RABGAP1: variants seen among roughly 807,000 people sequenced by gnomAD.
RABGAP1 encodes RAB GTPase activating protein 1.
RABGAP1 carries 23 observed loss-of-function variants against 137.6 expected under a neutral mutation model. That is an observed-to-expected ratio of 0.17 (90% CI 0.12 to 0.24). RABGAP1 has a LOEUF of 0.24. Ranked by LOEUF, RABGAP1 falls within the 10% of genes least tolerant of loss-of-function variation. The pLI is 1.00. For missense variants in RABGAP1, 906 were observed against 1,275.8 expected (o/e 0.71, Z 4.42); for synonymous variants, 451 against 450.7 (o/e 1.00, Z -0.01).
At chr9:122,993,558 C>T (rs1359852561) in intron 6 of RABGAP1, among the ~76,000 whole-genome samples, 1 of 151,928 alleles carries the variant, frequency 6.6e-6, no homozygotes, top group Non-Finnish European at 1.5e-5. Flanking sequence ...AGGCGTGAGC[C>T]ACCATGCCTG....
In RABGAP1 at chr9:122,984,648, C is replaced by G; in HGVS notation, c.314C>G (p.Thr105Ser). 2 of 1,614,182 alleles carry G rather than the reference C, an allele frequency of 1.2e-6. No individual in the cohort carries two copies. The highest frequency in any genetic ancestry group is 2.7e-5 in the African/African-American group (2 of 75,046). Residue 105 changes from threonine (T) to serine (S), a missense_variant, in exon 3 of 26, where the codon ACC (threonine) becomes AGC (serine). Physicochemically the swap from Thr to Ser is moderately conservative, Grantham distance 58. Coordinates refer to ENST00000373647, the MANE Select transcript of RABGAP1 (RefSeq NM_012197.4). ...PLSNQLSASS[T>S]INPVPLVGLQ... ...TCTAATCAGCTCTCCGCTTCATCCA[C>G]CATTAACCCTGTGCCATTAGTAGGG... is the stretch of plus-strand genomic sequence containing the variant.
At chr9:122,980,470 A>G (rs1462738688) in intron 2 of RABGAP1, among the ~76,000 whole-genome samples, 1 of 152,246 alleles carries the variant, frequency 6.6e-6, no homozygotes, top group Middle Eastern at 3.4e-3. Context: ...CCATGGTTCT[A>G]TATTCATGTT....
chr9:123,029,019 C>T (rs1402727820), intron 13 of RABGAP1, among the ~76,000 whole-genome samples: 1 of 152,060 alleles, frequency 6.6e-6, no homozygotes, highest in African/African-American at 2.4e-5. Context: ...GTTACTTGGG[C>T]TAGCATGGAG....
intron 13 of RABGAP1, among the ~76,000 whole-genome samples, chr9:123,044,786 T>G (rs990368261): frequency 6.6e-6 from 1 of 152,130 alleles, no homozygotes; most frequent in Non-Finnish European, 1.5e-5. Flanking sequence ...ATAGATTTCC[T>G]TAGAAGGCAG....
intron 5 of RABGAP1, 122 bp from the exon 6 acceptor site, chr9:122,989,934 A>G (rs1284717941): frequency 7.7e-6 from 9 of 1,164,728 alleles, no homozygotes; most frequent in Non-Finnish European, 9.6e-6. Context: ...TAGGTAATTT[A>G]CCAAAAGAAA....
At chr9:122,935,774 T>C in the RABGAP1 span, among the ~76,000 whole-genome samples, 1 of 152,250 alleles carries the variant, frequency 6.6e-6, no homozygotes, top group Non-Finnish European at 1.5e-5. Context: ...TTTCTCTGTA[T>C]GGCTTTGAGT....
chr9:122,974,381 T>G (rs1026961206), intron 2 of RABGAP1, among the ~76,000 whole-genome samples: 6 of 151,442 alleles, frequency 4.0e-5, no homozygotes, highest in Non-Finnish European at 8.8e-5. Context: ...TTGTATTTGC[T>G]TTTCTTTTCC....
chr9:122,984,393 T>TTTTC, intron 2 of RABGAP1, 92 bp from the exon 3 acceptor site: 1 of 1,011,930 alleles, frequency 9.9e-7, no homozygotes, highest in Non-Finnish European at 1.5e-6. Flanking sequence ...TCAAAAGAAA[T>TTTTC]GCTAATGATT....
At chr9:122,945,147 C>CCTTTTTTTTTTTTTTT (rs1833871783) in intron 1 of RABGAP1, among the ~76,000 whole-genome samples, 1 of 75,772 alleles carries the variant, frequency 1.3e-5, no homozygotes, top group African/African-American at 4.0e-5. Flanking sequence ...ATAGCTGTTG[C>CCTTTTTTTTTTTTTTT]TTTTTTTTTT....
Position 123,101,713 on chromosome 9 carries a change from G to A in RABGAP1, c.3037G>A (p.Glu1013Lys). Residue 1013 changes from glutamate to lysine, a missense_variant, in exon 25 of 26, where the codon GAA becomes AAA. Physicochemically the swap from Glu to Lys is moderately conservative, Grantham distance 56. Around this residue, in one of 9 missense-constraint regions of RABGAP1, gnomAD observed 193 missense variants for 248.1 expected, o/e 0.78. Transcript: ENST00000373647. ...LKNQLREMELELAQTKLQLVE... is the reference protein window; with the variant it reads ...LKNQLREMELKLAQTKLQLVE... ...GAACCAGCTGAGAGAAATGGAGCTA[G>A]AACTGGCACAGACCAAACTCCAGCT... The A allele has an allele frequency of 6.2e-7, 1 of 1,613,682 alleles. No homozygotes were observed. Among genetic ancestry groups the A allele is most frequent in the Non-Finnish European group, 8.5e-7 (1 of 1,179,848 alleles).
intron 13 of RABGAP1, among the ~76,000 whole-genome samples, chr9:123,064,141 A>T (rs1195774024): frequency 1.3e-5 from 2 of 152,046 alleles, no homozygotes; most frequent in African/African-American, 4.8e-5. Flanking sequence ...GATACCTCCA[A>T]CGCGGAGCTC....
chr9:122,981,798 T>A (rs2131732652), intron 2 of RABGAP1, among the ~76,000 whole-genome samples: 1 of 152,280 alleles, frequency 6.6e-6, no homozygotes, highest in Middle Eastern at 3.4e-3. Flanking sequence ...ACTATAATCC[T>A]AGCACTTTGG....
chr9:122,950,600 A>C (rs1834192978), intron 1 of RABGAP1, among the ~76,000 whole-genome samples: 1 of 151,686 alleles, frequency 6.6e-6, no homozygotes, highest in Non-Finnish European at 1.5e-5. Context: ...TATTATAATT[A>C]CCTGTTTACT....
intron 13 of RABGAP1, chr9:123,029,391 C>T (rs775884265): frequency 1.9e-5 from 26 of 1,395,586 alleles, no homozygotes; most frequent in Non-Finnish European, 2.4e-5. Flanking sequence ...GCATCTTCAC[C>T]AGCAGCTGGA....
chr9:123,035,754 T>G, intron 13 of RABGAP1: 1 of 589,632 alleles, frequency 1.7e-6, no homozygotes, highest in Non-Finnish European at 2.9e-6. Context: ...AACAATAGCA[T>G]ACAAATTATT....
Position 122,990,452 on chromosome 9 carries a change from C to T in RABGAP1, c.923+239C>T. 3 of 266,456 alleles carry T rather than the reference C, an allele frequency of 1.1e-5. No homozygotes were observed. The South Asian group carries it at 1.5e-4, about 13-fold the overall frequency. The allele number at this position is 266,456 out of a possible 1,614,324, so 16.5% of individuals were successfully genotyped here. ...GTTGCTACCTTCTTTTAGTCAGATACCAAGTGGCTAACTGCTCACAAAAAT... is the reference window on the plus strand; with the variant it reads ...GTTGCTACCTTCTTTTAGTCAGATATCAAGTGGCTAACTGCTCACAAAAAT... On this transcript the variant is annotated intron_variant, in intron 6 of 25. Coordinates refer to ENST00000373647, the MANE Select transcript of RABGAP1 (RefSeq NM_012197.4).
At chr9:122,938,607 C>T (rs1448211729), upstream of RABGAP1, 1 of 152,168 alleles carries the variant, frequency 6.6e-6, no homozygotes, top group Non-Finnish European at 1.5e-5. Flanking sequence ...TATGTCATCA[C>T]TAATCCAGTG....
intron 1 of RABGAP1, among the ~76,000 whole-genome samples, chr9:122,952,381 C>T (rs1834300262): frequency 1.3e-5 from 2 of 152,216 alleles, no homozygotes; most frequent in South Asian, 2.1e-4. Flanking sequence ...GCCTCAGCCT[C>T]CCGAGTAGCT....
At chr9:123,098,911 TC>T (rs1000247619) in intron 23 of RABGAP1, 113 bp downstream of exon 23, 1 of 611,914 alleles carries the variant, frequency 1.6e-6, no homozygotes, top group Non-Finnish European at 2.9e-6. Context: ...TGGTTTCAGA[TC>T]CTGGCTCTGC....
Sources: gnomAD v4.1 joint callset for allele counts (sites outside exome capture counted in the v4.1 genomes callset) on GRCh38, gnomAD v4.1.1 for gene constraint, gnomAD v4.1.1 regional missense constraint, MANE v1.5 for transcripts, NCBI Gene and HGNC (gene_info 2026-07-23, HGNC 2026-07-21) for gene names.